OTOGL: variants seen among roughly 807,000 people sequenced by gnomAD.
The protein encoded by OTOGL is otogelin-like protein.
A neutral mutation model predicts 318.5 loss-of-function variants in OTOGL; 285 were observed. The ratio of observed to expected loss-of-function variants is 0.89; its 90% CI spans 0.81 to 0.99. OTOGL has a LOEUF of 0.99. OTOGL is among the 50% of genes least tolerant of loss of function. OTOGL has a pLI of 0.00. For missense variants in OTOGL, 2,899 were observed against 2,845.6 expected, an observed-to-expected ratio of 1.02 and a Z score of -0.43; for synonymous variants, 987 against 936.5, an observed-to-expected ratio of 1.05 and a Z score of -0.99.
intron 1 of OTOGL, chr12:80,130,878 C>T (rs1266654614): frequency 1.3e-5 from 2 of 152,146 alleles, no homozygotes; most frequent in African/African-American, 4.8e-5. Flanking sequence ...TGAGTTCAAC[C>T]TTTCTTTTAA....
chr12:80,250,037 C>G (rs1402722561), intron 11 of OTOGL, among the ~76,000 whole-genome samples: 2 of 151,898 alleles, frequency 1.3e-5, no homozygotes, highest in Non-Finnish European at 2.9e-5. Context: ...GCACGGTGCG[C>G]GCACCCACTG....
At chr12:80,202,051 C>T (rs1876493567) in intron 1 of OTOGL, among the ~76,000 whole-genome samples, 1 of 152,126 alleles carries the variant, frequency 6.6e-6, no homozygotes, top group South Asian at 2.1e-4. Flanking sequence ...CAGAACTTCC[C>T]TGTGTCATTG....
At chr12:80,227,111 T>C (rs1163143637) in intron 7 of OTOGL, among the ~76,000 whole-genome samples, 1 of 152,124 alleles carries the variant, frequency 6.6e-6, no homozygotes, top group African/African-American at 2.4e-5. Context: ...GGTGGAGTGA[T>C]CCCTTAATTT....
chr12:80,160,406 C>T (rs1010499097), intron 1 of OTOGL, among the ~76,000 whole-genome samples: 3 of 151,962 alleles, frequency 2.0e-5, no homozygotes, highest in African/African-American at 7.3e-5. Flanking sequence ...AAAAAACAAT[C>T]CCATCAAAAA....
At position 80,336,965 on chromosome 12, in the gene OTOGL, A is replaced by G; in HGVS notation, c.4821A>G (p.Thr1607=). 6.3e-7 allele frequency: 1 copy of G among 1,594,906 alleles called. No individual in the cohort carries two copies. The highest frequency in any genetic ancestry group is 8.6e-7 in the Non-Finnish European group (1 of 1,169,464). The change falls in exon 42 of 59, where the codon ACA becomes ACG. Residue 1607 remains threonine, a synonymous_variant. Transcript: ENST00000547103. The part of the protein sequence containing the change: ...GLCFKKLNVT[T]PIHKIIVNRL... ...GTTTTAAGAAGTTAAATGTGACAAC[A>G]CCCATACATAAAATAATTGTCAATC...
At chr12:80,115,728 C>G (rs1311066051) in intron 1 of OTOGL, among the ~76,000 whole-genome samples, 2 of 152,182 alleles carry the variant, frequency 1.3e-5, no homozygotes, top group African/African-American at 4.8e-5. Context: ...TGCTGCCTTT[C>G]TTTTTCAGAG....
chr12:80,375,119 A>G (rs914768217), intron 57 of OTOGL, among the ~76,000 whole-genome samples: 1 of 152,122 alleles, frequency 6.6e-6, no homozygotes, highest in Non-Finnish European at 1.5e-5. Flanking sequence ...TTCTGCTGGC[A>G]TATTAGAAAA....
In OTOGL at chr12:80,355,775, A is replaced by G. The variant is rs749988347; in HGVS notation, c.5633A>G (p.Glu1878Gly). ...DSEDQPRTAG[E>G]IWNGGIDECT... ...GAAGACCAACCCCGCACTGCTGGGG[A>G]GATTTGGAATGGGGGCATTGATGAA... Residue 1878 changes from glutamate (E) to glycine (G), a missense_variant, in exon 47 of 59, where the codon GAG becomes GGG. Physicochemically the swap from Glu to Gly is moderately conservative, Grantham distance 98. Coordinates refer to ENST00000547103, the MANE Select transcript of OTOGL (RefSeq NM_001378609.3). 2 of 1,613,806 alleles carry G rather than the reference A, an allele frequency of 1.2e-6. No homozygotes were observed. Among genetic ancestry groups the G allele is most frequent in the South Asian group, 2.2e-5 (2 of 91,084 alleles).
chr12:80,144,325 G>A (rs1336515850), intron 1 of OTOGL, among the ~76,000 whole-genome samples: 7 of 151,322 alleles, frequency 4.6e-5, no homozygotes, highest in African/African-American at 9.8e-5. Context: ...TTGTTCTTGC[G>A]ATAGTTTACT....
chr12:80,377,229 A>G, intron 58 of OTOGL, 27 bp downstream of exon 58: 1 of 1,516,466 alleles, frequency 6.6e-7, no homozygotes, highest in Non-Finnish European at 9.0e-7. Context: ...CATTTGCTAC[A>G]TAAATGCACA....
At chr12:80,160,949 G>A (rs1240135993) in intron 1 of OTOGL, among the ~76,000 whole-genome samples, 3 of 152,090 alleles carry the variant, frequency 2.0e-5, no homozygotes, top group African/African-American at 7.2e-5. Context: ...AATGGAACTG[G>A]AGGCTATTAT....
chr12:80,310,592 T>C lies in OTOGL; in HGVS notation c.3334-19T>C. ...TGTCCCTTTGAAAACTTCTTTTCTCTCTTAAATTTTTTCAACAGTGTGAAA... is the reference window on the plus strand; with the variant it reads ...TGTCCCTTTGAAAACTTCTTTTCTCCCTTAAATTTTTTCAACAGTGTGAAA... On this transcript the variant is annotated intron_variant, in intron 29 of 58. Coordinates refer to ENST00000547103, the MANE Select transcript of OTOGL (RefSeq NM_001378609.3). The C allele has an allele frequency of 1.3e-6, 2 of 1,522,150 alleles. No homozygotes were observed. Among genetic ancestry groups the C allele is most frequent in the Non-Finnish European group, 1.8e-6 (2 of 1,113,552 alleles). The allele number at this position is 1,522,150 out of a possible 1,614,324, so 94.3% of individuals were successfully genotyped here.
Position 80,305,664 on chromosome 12 carries a change from G to C in OTOGL, c.3302G>C (p.Arg1101Pro). 1 of 1,573,772 alleles carries C rather than the reference G, an allele frequency of 6.4e-7. No individual in the cohort carries two copies. The highest frequency in any genetic ancestry group is 8.5e-7 in the Non-Finnish European group (1 of 1,170,062). The change falls in exon 29 of 59, where the codon CGG becomes CCG. Residue 1101 changes from arginine to proline, a missense_variant. By Grantham distance (103) the Arg-to-Pro change is moderately radical. This residue lies in a region of OTOGL where 2,607 missense variants were observed against 2,524.9 expected (regional missense o/e 1.03). Coordinates refer to ENST00000547103, the MANE Select transcript of OTOGL (RefSeq NM_001378609.3). ...TSNNLEVRNA[R>P]VFGDSWALGQ... ...AATAACTTGGAAGTGAGAAATGCTC[G>C]GGTATTTGGAGATAGTTGGGCATTA...
At chr12:80,171,003 C>T (rs1874170840) in intron 1 of OTOGL, among the ~76,000 whole-genome samples, 1 of 152,156 alleles carries the variant, frequency 6.6e-6, no homozygotes, top group African/African-American at 2.4e-5. Flanking sequence ...TATAGTTTCA[C>T]ATCTTACATT....
intron 1 of OTOGL, among the ~76,000 whole-genome samples, chr12:80,163,811 A>G (rs1387799230): frequency 6.6e-6 from 1 of 152,116 alleles, no homozygotes; most frequent in Non-Finnish European, 1.5e-5. Flanking sequence ...TGTTGCAAGC[A>G]TTTTCCAAGC....
chr12:80,103,400 C>T, intron 1 of OTOGL: 1 of 764,742 alleles, frequency 1.3e-6, no homozygotes, highest in Non-Finnish European at 2.2e-6. Context: ...TTCCTTTTGA[C>T]TGTGGCATCT....
chr12:80,127,901 A>T (rs1353237364), intron 1 of OTOGL, among the ~76,000 whole-genome samples: 2 of 152,270 alleles, frequency 1.3e-5, no homozygotes, highest in East Asian at 3.9e-4. Context: ...CAGGTCCTTT[A>T]AGGACTTCTC....
At chr12:80,263,153 ATAATAAC>A (rs1443909928) in intron 19 of OTOGL, among the ~76,000 whole-genome samples, 2 of 152,116 alleles carry the variant, frequency 1.3e-5, no homozygotes, top group African/African-American at 4.8e-5. Context: ...TTTCTTATCT[ATAATAAC>A]ACGGCTAGAC....
At chr12:80,300,294 G>A (rs1445205349) in intron 27 of OTOGL, among the ~76,000 whole-genome samples, 1 of 151,754 alleles carries the variant, frequency 6.6e-6, no homozygotes, top group Non-Finnish European at 1.5e-5. Context: ...AGTGCTGAGG[G>A]CCTTCCTTGC....
Sources: gnomAD v4.1 joint callset for allele counts (sites outside exome capture counted in the v4.1 genomes callset) on GRCh38, gnomAD v4.1.1 for gene constraint, gnomAD v4.1.1 regional missense constraint, MANE v1.5 for transcripts, NCBI Gene and HGNC (gene_info 2026-07-23, HGNC 2026-07-21) for gene names.